VPS16: variants seen among roughly 807,000 people sequenced by gnomAD.
VPS16 encodes the protein VPS16 core subunit of CORVET and HOPS complexes.
In VPS16, 82 loss-of-function variants were observed where a neutral mutation model predicts 116.0. That is an observed-to-expected ratio of 0.71 (90% CI 0.59 to 0.85). The LOEUF (loss-of-function observed/expected upper bound fraction) is 0.85, where lower values mean the gene tolerates loss of function less well. Among genes scored for constraint, VPS16 ranks in the 40% least tolerant of loss-of-function variants. VPS16 has a pLI of 0.00. For synonymous variants in VPS16, 406 were observed against 420.7 expected (o/e 0.96, Z 0.43); for missense variants, 928 against 1,090.6 (o/e 0.85, Z 2.10).
In VPS16 at chr20:2,860,813, G is replaced by A; in HGVS notation, c.580G>A (p.Ala194Thr). ...CQDRVAHILL[A>T]VGPDLYLLDH... ...GGACCGAGTGGCACACATTCTTCTG[G>A]CTGTGGGGCCTGACCTTTACCTCTT... Residue 194 changes from alanine to threonine, a missense_variant, in exon 6 of 24, where the codon GCT (alanine) becomes ACT (threonine). Ala to Thr is a moderately conservative substitution (Grantham distance 58). Coordinates refer to ENST00000380445, the MANE Select transcript of VPS16 (RefSeq NM_022575.4). The surrounding 1 kb of genome is among the most constrained non-coding windows in gnomAD (Gnocchi z 6.1). 1 of 1,614,074 alleles carries A rather than the reference G, an allele frequency of 6.2e-7. No homozygotes were observed. The highest frequency in any genetic ancestry group is 8.5e-7 in the Non-Finnish European group (1 of 1,180,030).
At position 2,865,300 on chromosome 20, in the gene VPS16, C is replaced by A. The variant is rs779172366; in HGVS notation, c.2157C>A (p.Phe719Leu). Reference sequence around the variant, plus strand: ...GTGCAGAGCAGCTGGCACGTGACTTCCGCATCCCTGACAAGAGGTAGGTGA... The same window carrying A: ...GTGCAGAGCAGCTGGCACGTGACTTACGCATCCCTGACAAGAGGTAGGTGA... ...NKRAEQLARD[F>L]RIPDKRLWWL... is the part of the protein sequence containing the mutation. Residue 719 changes from phenylalanine to leucine, a missense_variant, in exon 21 of 24, where the codon TTC becomes TTA. Transcript: ENST00000380445. The surrounding 1 kb of genome is among the most constrained non-coding windows in gnomAD (Gnocchi z 5.2). 26 of 1,614,150 alleles carry A rather than the reference C, an allele frequency of 1.6e-5. No individual in the cohort carries two copies. In the South Asian group the frequency reaches 2.7e-4, roughly 17 times the overall value.
intron 1 of VPS16, among the ~76,000 whole-genome samples, chr20:2,858,553 G>A (rs2089197387): frequency 6.6e-6 from 1 of 151,786 alleles, no homozygotes; most frequent in African/African-American, 2.4e-5. Flanking sequence ...AGGTAATGAT[G>A]GGCATATTCC....
chr20:2,862,240 C>A, intron 11 of VPS16, 110 bp downstream of exon 11: 1 of 1,327,192 alleles, frequency 7.5e-7, no homozygotes. Context: ...CCAGGCAGGA[C>A]ACTGGTCTGG....
At chr20:2,848,103 C>T (rs2089080034) in intron 1 of VPS16, among the ~76,000 whole-genome samples, 1 of 152,166 alleles carries the variant, frequency 6.6e-6, no homozygotes, top group South Asian at 2.1e-4. Context: ...ATGAGCACTG[C>T]CATGAGGTTC....
chr20:2,849,470 T>C (rs2089095267), intron 1 of VPS16, among the ~76,000 whole-genome samples: 1 of 152,062 alleles, frequency 6.6e-6, no homozygotes, highest in Non-Finnish European at 1.5e-5. Flanking sequence ...CCAGCTAATT[T>C]TGTATTTTTA....
In VPS16 at chr20:2,859,709, G is replaced by C; in HGVS notation, c.54-10G>C. 4 of 1,612,682 alleles carry C rather than the reference G, an allele frequency of 2.5e-6. No homozygotes were observed. The highest frequency in any genetic ancestry group is 3.4e-6 in the Non-Finnish European group (4 of 1,179,554). On this transcript the variant is annotated splice_polypyrimidine_tract_variant and intron_variant, in intron 1 of 23. Transcript: ENST00000380445. ...ATGAGGCTAATTTCTGCTCATCTCT[G>C]TGTGGGCAGGAAATATGAGCTGTAC...
At chr20:2,846,370 G>T (rs1170429806) in intron 1 of VPS16, among the ~76,000 whole-genome samples, 2 of 152,026 alleles carry the variant, frequency 1.3e-5, no homozygotes, top group African/African-American at 4.8e-5. Context: ...GCCTGCCTCG[G>T]CCTCCCAAAG....
chr20:2,862,191 G>A (rs1017538686), intron 11 of VPS16, 61 bp downstream of exon 11: 18 of 1,558,792 alleles, frequency 1.2e-5, no homozygotes, highest in East Asian at 2.3e-5. Flanking sequence ...GCGTGGGCAT[G>A]TGTGAGCATA....
intron 1 of VPS16, chr20:2,841,183 GC>G (rs1310209427): frequency 3.0e-6 from 1 of 330,604 alleles, no homozygotes; most frequent in East Asian, 7.4e-5. Flanking sequence ...TCCGAGGGGG[GC>G]GGGATCGCAC....
At position 2,862,911 on chromosome 20, in the gene VPS16, C is replaced by G; in HGVS notation, c.1308C>G (p.Ile436Met). 1 of 1,614,046 alleles carries G rather than the reference C, an allele frequency of 6.2e-7. No homozygotes were observed. The change falls in exon 13 of 24, where the codon ATC (isoleucine) becomes ATG (methionine). Residue 436 changes from isoleucine (I) to methionine (M), a missense_variant. Physicochemically the swap from Ile to Met is conservative, Grantham distance 10. Coordinates refer to ENST00000380445, the MANE Select transcript of VPS16 (RefSeq NM_022575.4). The part of the protein sequence containing the change: ...RVLNAVRDYH[I>M]GIPLTYSQYK... ...TCAATGCTGTTCGGGACTATCACATCGGGATCCCGCTCACCTATAGCCAGT... is the reference window on the plus strand; with the variant it reads ...TCAATGCTGTTCGGGACTATCACATGGGGATCCCGCTCACCTATAGCCAGT...
intron 1 of VPS16, chr20:2,841,160 A>C: frequency 2.8e-6 from 1 of 362,472 alleles, no homozygotes; most frequent in Non-Finnish European, 5.0e-6. Flanking sequence ...CTGAAGTCAG[A>C]CCACAGGGGC....
chr20:2,863,153 C>T lies in VPS16; in HGVS notation c.1367+53C>T, dbSNP rs2089258959. On this transcript the variant is annotated intron_variant, in intron 14 of 23. Transcript: ENST00000380445. This position sits in a 1 kb window ranked among gnomAD's most constrained non-coding sequence, Gnocchi z 4.4. ...CGGGCTGTCAGGGGGGTGGGCATTACAGCCTTGGGTGGGGTCTTATGGTCA... is the reference window on the plus strand; with the variant it reads ...CGGGCTGTCAGGGGGGTGGGCATTATAGCCTTGGGTGGGGTCTTATGGTCA... 3 of 1,613,242 alleles carry T rather than the reference C, an allele frequency of 1.9e-6. No individual in the cohort carries two copies. The highest frequency in any genetic ancestry group is 1.7e-5 in the Admixed American group (1 of 59,946).
intron 1 of VPS16, among the ~76,000 whole-genome samples, chr20:2,841,966 G>T (rs1468636322): frequency 6.6e-6 from 1 of 152,054 alleles, no homozygotes; most frequent in African/African-American, 2.4e-5. Context: ...TGGTGGCCAG[G>T]CTGGTCTTGA....
intron 11 of VPS16, 111 bp downstream of exon 11, chr20:2,862,241 A>C: frequency 7.6e-7 from 1 of 1,320,238 alleles, no homozygotes; most frequent in Non-Finnish European, 1.0e-6. Context: ...CAGGCAGGAC[A>C]CTGGTCTGGG....
Position 2,864,993 on chromosome 20 carries a change from G to A in VPS16, c.1942G>A (p.Val648Ile). ...YAAEERIEGR[V>I]AALQTAADAF... is the part of the protein sequence containing the mutation. ...GTCTTTATAGCGTATTGAGGGGCGA[G>A]TAGCAGCTCTGCAGACAGCCGCCGA... Residue 648 changes from valine (V) to isoleucine (I), a missense_variant, in exon 20 of 24, where the codon GTA becomes ATA. Physicochemically the swap from Val to Ile is conservative, Grantham distance 29. Transcript: ENST00000380445. The surrounding 1 kb of genome is among the most constrained non-coding windows in gnomAD (Gnocchi z 5.2). 2.5e-6 allele frequency: 4 copies of A among 1,614,156 alleles called. No homozygotes were observed. In the Admixed American group the frequency reaches 5.0e-5, roughly 20 times the overall value.
rs1243053618 is a variant in VPS16, at chr20:2,864,098, C to G, written c.1611+15C>G. The G allele has an allele frequency of 1.9e-6, 3 of 1,613,548 alleles. No homozygotes were observed. Among genetic ancestry groups the G allele is most frequent in the Non-Finnish European group, 2.5e-6 (3 of 1,179,612 alleles). On this transcript the variant is annotated intron_variant, in intron 16 of 23. Coordinates refer to ENST00000380445, the MANE Select transcript of VPS16 (RefSeq NM_022575.4). The surrounding 1 kb of genome is among the most constrained non-coding windows in gnomAD (Gnocchi z 5.2). ...TGGCCATCAAGGTGTGGGTGCCCAG[C>G]CCTCCACAGACACTCTGATGTGGTT...
intron 1 of VPS16, among the ~76,000 whole-genome samples, chr20:2,851,934 T>C (rs903941017): frequency 5.3e-5 from 8 of 152,020 alleles, no homozygotes; most frequent in African/African-American, 1.9e-4. Context: ...CGTGCCACTG[T>C]ACTCCAGCCT....
At chr20:2,859,651 C>T in intron 1 of VPS16, 68 bp from the exon 2 acceptor site, 3 of 1,530,302 alleles carry the variant, frequency 2.0e-6, no homozygotes, top group Non-Finnish European at 1.8e-6. Flanking sequence ...TTTAGGAATT[C>T]CTCTGGGGTT....
At position 2,841,112 on chromosome 20, in the gene VPS16, G is replaced by A. The variant is rs561315878; in HGVS notation, c.53+285G>A. On this transcript the variant is annotated intron_variant, in intron 1 of 23. Coordinates refer to ENST00000380445, the MANE Select transcript of VPS16 (RefSeq NM_022575.4). Reference sequence around the variant, plus strand: ...TCTCGCTGAGGGAGGCAGCTCGCGGGTGACAGCGAGTGCCCAGTCTCCTGC... The same window carrying A: ...TCTCGCTGAGGGAGGCAGCTCGCGGATGACAGCGAGTGCCCAGTCTCCTGC... 5.4e-4 allele frequency: 267 copies of A among 495,106 alleles called. 1 individual carries two copies. Among genetic ancestry groups the A allele is most frequent in the Non-Finnish European group, 7.9e-4 (221 of 279,404 alleles). The allele number at this position is 495,106 out of a possible 1,614,324, so 30.7% of individuals were successfully genotyped here.
Sources: allele counts gnomAD v4.1 joint callset (sites outside exome capture counted in the v4.1 genomes callset), GRCh38; gene constraint gnomAD v4.1.1; non-coding constraint Gnocchi (gnomAD v3.1); transcripts MANE v1.5; gene names NCBI Gene and HGNC (gene_info 2026-07-23, HGNC 2026-07-21).